The following ADARB2 variants were observed in gnomAD, a reference collection of about 807,000 sequenced individuals.
ADARB2 encodes the protein adenosine deaminase RNA specific B2 (inactive).
A neutral mutation model predicts 62.2 loss-of-function variants in ADARB2; 25 were observed. The observed-to-expected ratio is 0.40, with a 90% confidence interval of 0.29 to 0.56. The LOEUF (loss-of-function observed/expected upper bound fraction) is 0.56. Ranked by LOEUF, ADARB2 falls within the 20% of genes least tolerant of loss-of-function variation. The pLI, the probability that ADARB2 is intolerant of heterozygous loss-of-function variation, is 0.43. For synonymous variants in ADARB2, 572 were observed against 500.8 expected, an observed-to-expected ratio of 1.14 and a Z score of -1.90; for missense variants, 1,071 against 1,077.4, an observed-to-expected ratio of 0.99 and a Z score of 0.08.
intron 1 of ADARB2, among the ~76,000 whole-genome samples, chr10:1,443,172 G>A (rs777600937): frequency 1.3e-5 from 2 of 152,140 alleles, no homozygotes; most frequent in South Asian, 4.1e-4. Flanking sequence ...GTAGGCATAG[G>A]CCAAGGGGGA....
intron 1 of ADARB2, among the ~76,000 whole-genome samples, chr10:1,454,866 AAAG>A (rs1416382397): frequency 2.6e-5 from 4 of 152,232 alleles, no homozygotes; most frequent in Admixed American, 2.6e-4. Context: ...AGAACAGAAA[AAAG>A]AAGACCCTTG....
chr10:1,651,582 C>T (rs1007247613), intron 1 of ADARB2, among the ~76,000 whole-genome samples: 1 of 152,276 alleles, frequency 6.6e-6, no homozygotes, highest in African/African-American at 2.4e-5. Flanking sequence ...CACACTAGTC[C>T]CTTGCCAGCT....
At position 1,251,423 on chromosome 10, in the gene ADARB2, C is replaced by T. The variant is rs1037460198; in HGVS notation, c.1193-9124G>A. 7.2e-5 allele frequency among the ~76,000 whole-genome samples: 11 copies of T among 151,924 alleles called. No homozygotes were observed. The East Asian group carries it at 1.2e-3, about 16-fold the overall frequency. ...GGTCAGTGGTTGCCAGGGGATGAGG[C>T]GGGGAAGGGATGAATAGATGGAGAA... On this transcript the variant is annotated intron_variant, in intron 4 of 9. Coordinates refer to ENST00000381312, the MANE Select transcript of ADARB2 (RefSeq NM_018702.4).
In ADARB2 at chr10:1,398,820, T is replaced by A. The variant is rs1236543004; in HGVS notation, c.101-19660A>T. ...GGTTCACATTTGGGAAGAAGAGATT[T>A]TCTCCCTCCGCAGCAGCAGCGCAGC... On this transcript the variant is annotated intron_variant, in intron 1 of 9. Transcript: ENST00000381312. This position sits in a 1 kb window ranked among gnomAD's most constrained non-coding sequence, Gnocchi z 4.1. 1.3e-5 allele frequency among the ~76,000 whole-genome samples: 2 copies of A among 152,116 alleles called. No homozygotes were observed. The highest frequency in any genetic ancestry group is 2.9e-5 in the Non-Finnish European group (2 of 68,026).
At chr10:1,603,501 G>A (rs919807370) in intron 1 of ADARB2, among the ~76,000 whole-genome samples, 3 of 152,012 alleles carry the variant, frequency 2.0e-5, no homozygotes, top group African/African-American at 4.8e-5. Context: ...TACCCATAGC[G>A]TCTGAAATCA....
chr10:1,593,087 C>T (rs1260866443), intron 1 of ADARB2, among the ~76,000 whole-genome samples: 1 of 102,084 alleles, frequency 9.8e-6, no homozygotes, highest in African/African-American at 4.2e-5. Context: ...CTCGCCCACG[C>T]CACCCTCCAT....
In ADARB2 at chr10:1,616,361, G is replaced by A. The variant is rs561879859; in HGVS notation, c.100+120690C>T. ...AACCAGCAAGTAGTGCTAGATGTCT[G>A]TGTGCCCCTCCAGACACACTCTACC... On this transcript the variant is annotated intron_variant, in intron 1 of 9. Transcript: ENST00000381312. 3.9e-5 allele frequency among the ~76,000 whole-genome samples: 6 copies of A among 152,366 alleles called. No individual in the cohort carries two copies. In the South Asian group the frequency reaches 1.0e-3, roughly 26 times the overall value.
At chr10:1,655,260 T>C (rs1397139922) in intron 1 of ADARB2, among the ~76,000 whole-genome samples, 6 of 152,174 alleles carry the variant, frequency 3.9e-5, no homozygotes, top group Admixed American at 3.9e-4. Context: ...GGGGTGTTGA[T>C]AATTAAGCCA....
intron 1 of ADARB2, among the ~76,000 whole-genome samples, chr10:1,707,699 C>T (rs180788346): frequency 6.6e-6 from 1 of 152,192 alleles, no homozygotes; most frequent in South Asian, 2.1e-4. Flanking sequence ...TGGTTCGGCA[C>T]AGTTAGACTT....
rs565719990 is a variant in ADARB2 at position 1,564,374 on chromosome 10, C to T, written c.100+172677G>A. Among the ~76,000 whole-genome samples, 402 of 152,244 alleles carry T rather than the reference C, an allele frequency of 2.6e-3. 4 individuals carry two copies. The highest frequency in any genetic ancestry group is 4.2e-3 in the Non-Finnish European group (287 of 68,016). On this transcript the variant is annotated intron_variant, in intron 1 of 9. Coordinates refer to ENST00000381312, the MANE Select transcript of ADARB2 (RefSeq NM_018702.4). ...GGCAAGGACTTCATGTCTAAAACAC[C>T]AAAAGCAATGGCAACAAAAGCCAGA...
chr10:1,648,219 C>T (rs1237378846), intron 1 of ADARB2, among the ~76,000 whole-genome samples: 1 of 152,200 alleles, frequency 6.6e-6, no homozygotes, highest in Non-Finnish European at 1.5e-5. Flanking sequence ...ATCTGTGCTG[C>T]ACTTTCCCCT....
At chr10:1,717,097 C>T (rs555838779) in intron 1 of ADARB2, among the ~76,000 whole-genome samples, 9 of 141,106 alleles carry the variant, frequency 6.4e-5, no homozygotes, top group Non-Finnish European at 1.2e-4. Context: ...ATTCTGATCA[C>T]GTGTTTCACA....
chr10:1,680,547 G>A (rs1834523395), intron 1 of ADARB2, among the ~76,000 whole-genome samples: 1 of 152,154 alleles, frequency 6.6e-6, no homozygotes, highest in Non-Finnish European at 1.5e-5. Context: ...TTTGGAAGTG[G>A]AGACAGAGCC....
intron 1 of ADARB2, among the ~76,000 whole-genome samples, chr10:1,493,489 T>C (rs75439726): frequency 0.017 from 2,626 of 152,288 alleles, 37 homozygotes; most frequent in Middle Eastern, 0.031. Flanking sequence ...CTCTGTGTGC[T>C]ACAAAGAATG....
chr10:1,359,763 A>G (rs562792324), intron 3 of ADARB2, among the ~76,000 whole-genome samples: 1 of 152,250 alleles, frequency 6.6e-6, no homozygotes, highest in East Asian at 1.9e-4. Context: ...CAGCACCATG[A>G]CAAGCTCCAG....
At chr10:1,305,248 C>T (rs1831615444) in intron 3 of ADARB2, among the ~76,000 whole-genome samples, 3 of 144,192 alleles carry the variant, frequency 2.1e-5, no homozygotes, top group Non-Finnish European at 4.6e-5. Flanking sequence ...GAAATACAAA[C>T]TACCATCAGA....
In ADARB2 at chr10:1,626,253, A is replaced by G. The variant is rs11250676; in HGVS notation, c.100+110798T>C. Among the ~76,000 whole-genome samples, 219 of 45,958 alleles carry G rather than the reference A, an allele frequency of 4.8e-3. 1 individual carries two copies. Among genetic ancestry groups the G allele is most frequent in the African/African-American group, 0.015 (115 of 7,526 alleles). 30.2% of individuals were successfully genotyped at this position (45,958 alleles called of 152,430 possible). ...ACTGGACCTCAGACGCTAACCCCACATCTGCCCATGCTCTCTCCTGCATGG... is the reference window on the plus strand; with the variant it reads ...ACTGGACCTCAGACGCTAACCCCACGTCTGCCCATGCTCTCTCCTGCATGG... On this transcript the variant is annotated intron_variant, in intron 1 of 9. Transcript: ENST00000381312.
chr10:1,601,970 A>G (rs1040722151), intron 1 of ADARB2, among the ~76,000 whole-genome samples: 1 of 149,618 alleles, frequency 6.7e-6, no homozygotes, highest in Non-Finnish European at 1.5e-5. Context: ...AGAGTCAGCC[A>G]TCACTACAGC....
intron 3 of ADARB2, among the ~76,000 whole-genome samples, chr10:1,359,042 AAG>A (rs1414088268): frequency 6.6e-6 from 1 of 152,190 alleles, no homozygotes; most frequent in Non-Finnish European, 1.5e-5. Flanking sequence ...GAGCAAACTG[AAG>A]AGAGATGTAG....
Sources: gnomAD v4.1 joint callset for allele counts (sites outside exome capture counted in the v4.1 genomes callset) on GRCh38, gnomAD v4.1.1 for gene constraint, Gnocchi (gnomAD v3.1) non-coding constraint, MANE v1.5 for transcripts, NCBI Gene and HGNC (gene_info 2026-07-23, HGNC 2026-07-21) for gene names.